The following MORC3 variants were observed in gnomAD, a reference collection of about 807,000 sequenced individuals.
The protein encoded by MORC3 is MORC family CW-type zinc finger 3.
In MORC3, 31 loss-of-function variants were observed where a neutral mutation model predicts 109.1. That is an observed-to-expected ratio of 0.28 (90% CI 0.21 to 0.38). MORC3 has a LOEUF of 0.38. Among genes scored for constraint, MORC3 ranks in the 10% least tolerant of loss-of-function variants. The pLI is 1.00. For missense variants in MORC3, 867 were observed against 1,135.8 expected (o/e 0.76, Z 3.40); for synonymous variants, 395 against 380.7 (o/e 1.04, Z -0.44).
intron 2 of MORC3, 82 bp from the exon 3 acceptor site, chr21:36,336,792 A>T: frequency 7.5e-7 from 1 of 1,337,884 alleles, no homozygotes; most frequent in Admixed American, 2.7e-5. Flanking sequence ...ATAGTCTTCT[A>T]TTGCTTCTTA....
At chr21:36,341,237 G>A (rs114016489) in intron 5 of MORC3, among the ~76,000 whole-genome samples, 162 bp from the exon 6 acceptor site, 78 of 152,158 alleles carry the variant, frequency 5.1e-4, no homozygotes, top group East Asian at 3.7e-3. Context: ...TCCAGGATCC[G>A]TTTTCTTTCT....
At chr21:36,333,809 G>GAGAGAC in intron 2 of MORC3, 91 bp downstream of exon 2, 1 of 1,046,006 alleles carries the variant, frequency 9.6e-7, no homozygotes, top group Non-Finnish European at 1.4e-6. Context: ...TTTAAACAGA[G>GAGAGAC]TCTCTCTCTG....
In MORC3 at chr21:36,344,144, A is replaced by T. The variant is rs575151749; in HGVS notation, c.757-435A>T. 2.4e-3 allele frequency among the ~76,000 whole-genome samples: 365 copies of T among 151,176 alleles called. 3 individuals are homozygous for T. Among genetic ancestry groups the T allele is most frequent in the Non-Finnish European group, 3.2e-3 (214 of 67,754 alleles). On this transcript the variant is annotated intron_variant, in intron 6 of 16. Transcript: ENST00000400485. The stretch of plus-strand genomic sequence containing the variant: ...TTTTGTGTTGAATCTTTTTTTTTTG[A>T]GGTGGGGGGGTCTCCCTCTGTCCCC...
At chr21:36,356,375 T>G (rs2085645460) in intron 9 of MORC3, among the ~76,000 whole-genome samples, 1 of 152,200 alleles carries the variant, frequency 6.6e-6, no homozygotes, top group South Asian at 2.1e-4. Context: ...GGCAATGCAG[T>G]TCTTGGAAGT....
intron 10 of MORC3, among the ~76,000 whole-genome samples, 158 bp from the exon 11 acceptor site, chr21:36,359,797 G>A (rs1279825243): frequency 1.3e-5 from 2 of 152,062 alleles, no homozygotes; most frequent in Non-Finnish European, 2.9e-5. Flanking sequence ...TTATAGGCAT[G>A]AGCCGTCGCA....
intron 1 of MORC3, among the ~76,000 whole-genome samples, chr21:36,321,877 A>C (rs189344462): frequency 8.5e-5 from 13 of 152,136 alleles, no homozygotes; most frequent in Admixed American, 2.6e-4. Context: ...GCTCTTCAAG[A>C]TTGAGGGGAG....
chr21:36,331,035 T>A (rs1369205770), intron 1 of MORC3, among the ~76,000 whole-genome samples: 2 of 152,218 alleles, frequency 1.3e-5, no homozygotes, highest in African/African-American at 4.8e-5. Context: ...TGCTTCAACT[T>A]AATGGTAAAT....
rs142868417 is a variant in MORC3 at position 36,341,567 on chromosome 21, G to A, written c.756+21G>A. ...TGAGGGTATGTATTCAGCTCTCTTT[G>A]TGGAAGTGAGAAAATCATTGAATGC... is the stretch of plus-strand genomic sequence containing the variant. On this transcript the variant is annotated intron_variant, in intron 6 of 16. Coordinates refer to ENST00000400485, the MANE Select transcript of MORC3 (RefSeq NM_015358.3). 1.8e-4 allele frequency: 290 copies of A among 1,613,138 alleles called. 1 individual carries two copies. The African/African-American group carries it at 2.8e-3, about 15-fold the overall frequency.
Position 36,369,787 on chromosome 21 carries a change from A to T in MORC3, c.2419A>T (p.Ser807Cys), listed in dbSNP as rs1408556089. Residue 807 changes from serine (S) to cysteine (C), a missense_variant, in exon 15 of 17, where the codon AGT becomes TGT. Around this residue, in one of 7 missense-constraint regions of MORC3, gnomAD observed 486 missense variants for 502.1 expected, o/e 0.97. Transcript: ENST00000400485. ...CSQCSNNESK[S>C]EMDEMAVQLD... ...CCAGTGTTCCAATAATGAGAGTAAA[A>T]GTGAAATGGATGAGATGGCTGTGCA... 2 of 1,614,080 alleles carry T rather than the reference A, an allele frequency of 1.2e-6. No homozygotes were observed. Among genetic ancestry groups the T allele is most frequent in the African/African-American group, 2.7e-5 (2 of 74,938 alleles).
chr21:36,336,912 T>C lies in MORC3; in HGVS notation c.151T>C (p.Trp51Arg). The part of the protein sequence containing the change: ...YDPDVNAKQI[W>R]IDKTVINDHI... ...TCCTGATGTGAACGCTAAACAAATA[T>C]GGATTGACAAAACAGTGATAAATGA... Residue 51 changes from tryptophan (W) to arginine (R), a missense_variant, in exon 3 of 17, where the codon TGG becomes CGG. Physicochemically the swap from Trp to Arg is moderately radical, Grantham distance 101 (BLOSUM62 -3). Around this residue, in one of 7 missense-constraint regions of MORC3, gnomAD observed 53 missense variants for 130.3 expected, o/e 0.41. Transcript: ENST00000400485. The C allele has an allele frequency of 6.2e-7, 1 of 1,613,192 alleles. No homozygotes were observed. Among genetic ancestry groups the C allele is most frequent in the Non-Finnish European group, 8.5e-7 (1 of 1,179,536 alleles).
chr21:36,344,756 T>G, intron 7 of MORC3, 49 bp downstream of exon 7: 1 of 1,604,218 alleles, frequency 6.2e-7, no homozygotes, highest in African/African-American at 1.3e-5. Flanking sequence ...AGGTGTATTC[T>G]CTTTTGCCCC....
chr21:36,359,140 A>G (rs1039884265), intron 10 of MORC3, among the ~76,000 whole-genome samples: 1 of 152,228 alleles, frequency 6.6e-6, no homozygotes, highest in Non-Finnish European at 1.5e-5. Context: ...TATGCTAATA[A>G]ATACAATATA....
At chr21:36,343,225 A>G (rs2085470116) in intron 6 of MORC3, among the ~76,000 whole-genome samples, 1 of 150,830 alleles carries the variant, frequency 6.6e-6, no homozygotes. Flanking sequence ...CCTCCCAACT[A>G]GCTGGGATTA....
In MORC3 at chr21:36,336,888, C is replaced by A; in HGVS notation, c.127C>A (p.Pro43Thr). Residue 43 changes from proline to threonine, a missense_variant, in exon 3 of 17, where the codon CCT becomes ACT. Physicochemically the swap from Pro to Thr is conservative, Grantham distance 38. This residue lies in a region of MORC3 where 53 missense variants were observed against 130.3 expected (regional missense o/e 0.41). Transcript: ENST00000400485. ...GTGTTTCCCAGATAATGCTTATGAT[C>A]CTGATGTGAACGCTAAACAAATATG... Reference protein sequence around the residue: ...VAELIDNAYDPDVNAKQIWID... With the variant: ...VAELIDNAYDTDVNAKQIWID... 6.2e-7 allele frequency: 1 copy of A among 1,608,956 alleles called. No individual in the cohort carries two copies. Among genetic ancestry groups the A allele is most frequent in the Non-Finnish European group, 8.5e-7 (1 of 1,178,044 alleles).
chr21:36,365,788 G>A (rs2085774175), intron 14 of MORC3, among the ~76,000 whole-genome samples: 1 of 152,088 alleles, frequency 6.6e-6, no homozygotes, highest in Non-Finnish European at 1.5e-5. Context: ...CACTGTGTTA[G>A]CCAGGATAGT....
intron 1 of MORC3, among the ~76,000 whole-genome samples, chr21:36,332,936 C>T (rs547098693): frequency 8.8e-4 from 134 of 152,160 alleles, no homozygotes; most frequent in African/African-American, 2.9e-3. Flanking sequence ...TACAGGCGCC[C>T]ATCACCACGC....
intron 13 of MORC3, among the ~76,000 whole-genome samples, chr21:36,363,189 G>A (rs560351832): frequency 6.6e-6 from 1 of 152,224 alleles, no homozygotes; most frequent in East Asian, 1.9e-4. Context: ...GGAAGGTGAG[G>A]TGGGCGATCA....
At chr21:36,326,724 G>T (rs922410924) in intron 1 of MORC3, among the ~76,000 whole-genome samples, 1 of 151,826 alleles carries the variant, frequency 6.6e-6, no homozygotes, top group African/African-American at 2.4e-5. Flanking sequence ...ATGTCTTCAC[G>T]GTTCATCCAT....
chr21:36,363,980 G>C lies in MORC3; in HGVS notation c.1453-113G>C, dbSNP rs911282896. 1.7e-5 allele frequency: 20 copies of C among 1,154,978 alleles called. No homozygotes were observed. The African/African-American group carries it at 3.0e-4, about 17-fold the overall frequency. The allele number at this position is 1,154,978 out of a possible 1,614,324, so 71.5% of individuals were successfully genotyped here. On this transcript the variant is annotated intron_variant, in intron 13 of 16. Coordinates refer to ENST00000400485, the MANE Select transcript of MORC3 (RefSeq NM_015358.3). ...ATAGCACAAGGAATTTACATGTTTG[G>C]AATTGTTTTTGTGTCTTCTGGGATA... is the stretch of plus-strand genomic sequence containing the variant.
Sources: allele counts gnomAD v4.1 joint callset (sites outside exome capture counted in the v4.1 genomes callset), GRCh38; gene constraint gnomAD v4.1.1; regional missense constraint gnomAD v4.1.1; transcripts MANE v1.5; gene names NCBI Gene and HGNC (gene_info 2026-07-23, HGNC 2026-07-21).